DDC: variants seen among roughly 807,000 people sequenced by gnomAD.
DDC encodes aromatic-L-amino-acid decarboxylase.
A neutral mutation model predicts 60.0 loss-of-function variants in DDC; 43 were observed. The ratio of observed to expected loss-of-function variants is 0.72; its 90% CI spans 0.56 to 0.92. DDC has a LOEUF of 0.92. Ranked by LOEUF, DDC falls within the 40% of genes least tolerant of loss-of-function variation. The pLI, the probability that DDC is intolerant of heterozygous loss-of-function variation, is 0.00. For missense variants in DDC, 573 were observed against 620.2 expected (o/e 0.92, Z 0.81); for synonymous variants, 232 against 234.6 (o/e 0.99, Z 0.10).
intron 5 of DDC, among the ~76,000 whole-genome samples, chr7:50,528,728 T>A (rs976006140): frequency 1.3e-5 from 2 of 152,048 alleles, no homozygotes; most frequent in Non-Finnish European, 2.9e-5. Flanking sequence ...CCAGGAGGCA[T>A]CACCACTGTG....
chr7:50,560,244 G>C (rs183151299), intron 1 of DDC, among the ~76,000 whole-genome samples: 2 of 152,282 alleles, frequency 1.3e-5, no homozygotes, highest in Admixed American at 1.3e-4. Flanking sequence ...ATCTGAATGA[G>C]AAATTTTCGC....
At chr7:50,528,558 T>C (rs2044105209) in intron 5 of DDC, among the ~76,000 whole-genome samples, 1 of 152,172 alleles carries the variant, frequency 6.6e-6, no homozygotes, top group Non-Finnish European at 1.5e-5. Flanking sequence ...AAGTTTTTCA[T>C]TTGTTTGAAC....
At chr7:50,471,024 C>T (rs1178350868) in intron 11 of DDC, among the ~76,000 whole-genome samples, 6 of 152,198 alleles carry the variant, frequency 3.9e-5, no homozygotes, top group South Asian at 2.1e-4. Context: ...GGCCATCTGC[C>T]GGGTGGGACT....
rs1324805914 is a variant in DDC, at chr7:50,554,320, G to A, written c.-28-10207C>T. On this transcript the variant is annotated intron_variant, in intron 1 of 14. Coordinates refer to ENST00000444124, the MANE Select transcript of DDC (RefSeq NM_001082971.2). Reference sequence around the variant, plus strand: ...AATAGGGCAACTGTGGGGGGCAGGGGGAGAGGGGAAATATGAGGACTCTCT... The same window carrying A: ...AATAGGGCAACTGTGGGGGGCAGGGAGAGAGGGGAAATATGAGGACTCTCT... 2.6e-5 allele frequency among the ~76,000 whole-genome samples: 4 copies of A among 152,124 alleles called. No individual in the cohort carries two copies. The East Asian group carries it at 5.8e-4, about 22-fold the overall frequency.
At chr7:50,514,995 G>A (rs1255965491) in intron 6 of DDC, among the ~76,000 whole-genome samples, 1 of 152,170 alleles carries the variant, frequency 6.6e-6, no homozygotes, top group Non-Finnish European at 1.5e-5. Flanking sequence ...CATATTTGGG[G>A]GAGTAATTGA....
intron 1 of DDC, among the ~76,000 whole-genome samples, chr7:50,553,047 C>A (rs1481630300): frequency 5.3e-5 from 8 of 152,232 alleles, no homozygotes; most frequent in African/African-American, 1.9e-4. Flanking sequence ...TCTGCCACAG[C>A]CACTGAAGAG....
chr7:50,535,563 T>C (rs1218300403), intron 4 of DDC, among the ~76,000 whole-genome samples: 1 of 152,236 alleles, frequency 6.6e-6, no homozygotes, highest in African/African-American at 2.4e-5. Context: ...CCACAGGGCC[T>C]GTGGGTCATG....
intron 9 of DDC, among the ~76,000 whole-genome samples, chr7:50,481,216 T>C (rs1330300691): frequency 6.6e-6 from 1 of 152,194 alleles, no homozygotes; most frequent in Non-Finnish European, 1.5e-5. Flanking sequence ...TTATTTTTGT[T>C]TTAAGGTTAA....
At chr7:50,545,716 A>C (rs1158036180) in intron 1 of DDC, among the ~76,000 whole-genome samples, 1 of 152,134 alleles carries the variant, frequency 6.6e-6, no homozygotes, top group Non-Finnish European at 1.5e-5. Context: ...CTGGTGATCC[A>C]CCAGCCTCGG....
At chr7:50,545,084 A>T (rs1251547089) in intron 1 of DDC, among the ~76,000 whole-genome samples, 1 of 152,228 alleles carries the variant, frequency 6.6e-6, no homozygotes, top group Non-Finnish European at 1.5e-5. Flanking sequence ...CCAAGAAGAA[A>T]AACATAAAAA....
chr7:50,480,661 G>A (rs1450401021), intron 9 of DDC, among the ~76,000 whole-genome samples: 3 of 152,324 alleles, frequency 2.0e-5, no homozygotes, highest in East Asian at 3.9e-4. Context: ...AGGACACCCA[G>A]CTGGTGTCTG....
Position 50,470,092 on chromosome 7 carries a change from AG to A in DDC, c.1120del (p.Leu374CysfsTer40), listed in dbSNP as rs1482694493. On this transcript the variant is annotated frameshift_variant, in exon 12 of 15. Transcript: ENST00000444124. LOFTEE classifies it high-confidence loss of function. ...AGTCACCTTGCGGATATAAGCCTGCAGTCCTTTGACTCCATACATCCTAAAT... is the reference window on the plus strand; with the variant it reads ...AGTCACCTTGCGGATATAAGCCTGCATCCTTTGACTCCATACATCCTAAAT... ...FVFRMYGVKG[L>X]QAYIRKHVQL... 6.2e-7 allele frequency: 1 copy of A among 1,611,602 alleles called. No individual in the cohort carries two copies. Among genetic ancestry groups the A allele is most frequent in the East Asian group, 2.2e-5 (1 of 44,890 alleles).
At chr7:50,520,009 A>G (rs112950651) in intron 6 of DDC, among the ~76,000 whole-genome samples, 2 of 152,346 alleles carry the variant, frequency 1.3e-5, no homozygotes, top group African/African-American at 4.8e-5. Context: ...GCGAGAATCT[A>G]CTTTTCACAG....
At chr7:50,558,891 C>G (rs557258440) in intron 1 of DDC, among the ~76,000 whole-genome samples, 6 of 152,274 alleles carry the variant, frequency 3.9e-5, no homozygotes, top group African/African-American at 9.6e-5. Context: ...CATGAGAGAA[C>G]AGGGGAATGT....
At chr7:50,488,680 A>T (rs1034959196) in intron 9 of DDC, among the ~76,000 whole-genome samples, 13 of 152,224 alleles carry the variant, frequency 8.5e-5, no homozygotes, top group Non-Finnish European at 1.8e-4. Context: ...TATTTATAAT[A>T]GTCTTTCTAG....
chr7:50,495,222 G>A (rs559437382), intron 9 of DDC, 128 bp downstream of exon 9: 1 of 735,998 alleles, frequency 1.4e-6, no homozygotes, highest in Non-Finnish European at 2.5e-6. Flanking sequence ...TCCATCAAGG[G>A]TTCAGAAAAG....
At chr7:50,532,852 G>GT (rs2044264408) in intron 4 of DDC, among the ~76,000 whole-genome samples, 1 of 152,138 alleles carries the variant, frequency 6.6e-6, no homozygotes, top group Non-Finnish European at 1.5e-5. Context: ...TTCAATTTTT[G>GT]TTTTGTTCCA....
intron 9 of DDC, among the ~76,000 whole-genome samples, chr7:50,480,248 G>A (rs910964545): frequency 7.2e-5 from 11 of 152,242 alleles, no homozygotes; most frequent in Middle Eastern, 3.4e-3. Context: ...ATGAAACTCC[G>A]TTAAAAACTC....
rs2044127376 is a variant in DDC, at chr7:50,529,203, C to T, written c.570+5G>A. On this transcript the variant is annotated splice_donor_5th_base_variant and intron_variant, in intron 5 of 14. Transcript: ENST00000444124. ...TCTTGGCTGATACCCCCACAACACA[C>T]TCACCTGATCGGATGAGTAAGCCAC... 1.2e-6 allele frequency: 2 copies of T among 1,612,960 alleles called. No individual in the cohort carries two copies. Among genetic ancestry groups the T allele is most frequent in the Non-Finnish European group, 8.5e-7 (1 of 1,179,954 alleles).
Sources: gnomAD v4.1 joint callset for allele counts (sites outside exome capture counted in the v4.1 genomes callset) on GRCh38, gnomAD v4.1.1 for gene constraint, MANE v1.5 for transcripts, NCBI Gene and HGNC (gene_info 2026-07-23, HGNC 2026-07-21) for gene names.